Variants in SCRN3 observed in about 807,000 individuals in gnomAD.
SCRN3 encodes the protein secernin-3.
Under a neutral mutation model 43.1 loss-of-function variants are expected in SCRN3, and 39 were observed. The observed-to-expected ratio is 0.91, with a 90% CI of 0.70 to 1.18. SCRN3 has a LOEUF of 1.18. Ranked by LOEUF, SCRN3 falls within the 50% of genes most tolerant of loss-of-function variation. The pLI, the probability that SCRN3 is intolerant of heterozygous loss-of-function variation, is 0.00. For missense variants in SCRN3, 484 were observed against 498.0 expected (o/e 0.97, Z 0.27); for synonymous variants, 147 against 163.1 (o/e 0.90, Z 0.75).
chr2:174,427,857 A>C lies in SCRN3; in HGVS notation c.1237A>C (p.Ile413Leu), dbSNP rs772817036. Residue 413 changes from isoleucine to leucine, a missense_variant, in exon 8 of 8, where the codon ATT becomes CTT. Transcript: ENST00000272732. Reference protein sequence around the residue: ...FPQCTKDEIQIYQSNLSVKVS... With the variant: ...FPQCTKDEIQLYQSNLSVKVS... ...TCAGTGTACAAAAGATGAAATTCAA[A>C]TTTATCAGTCAAATTTATCAGTCAA... is the stretch of plus-strand genomic sequence containing the variant. 8 of 811,378 alleles carry C rather than the reference A, an allele frequency of 9.9e-6. No individual in the cohort carries two copies. Among genetic ancestry groups the C allele is most frequent in the Non-Finnish European group, 1.2e-5 (7 of 561,690 alleles). The allele number at this position is 811,378 out of a possible 1,614,324, so 50.3% of individuals were successfully genotyped here. A position where few individuals can be genotyped will look rare whatever the true frequency, so the allele number is the denominator to read the frequency against.
intron 1 of SCRN3, 126 bp from the exon 2 acceptor site, chr2:174,398,148 AT>A: frequency 1.7e-6 from 1 of 582,586 alleles, no homozygotes; most frequent in Non-Finnish European, 2.7e-6. Flanking sequence ...AAATAAAAAA[AT>A]CAAAGCTTTA....
At position 174,399,931 on chromosome 2, in the gene SCRN3, A is replaced by G. The variant is rs1685447048; in HGVS notation, c.169A>G (p.Ile57Val). The change falls in exon 3 of 8, where the codon ATA (isoleucine) becomes GTA (valine). Residue 57 changes from isoleucine to valine, a missense_variant. Physicochemically the swap from Ile to Val is conservative, Grantham distance 29 (BLOSUM62 3). Coordinates refer to ENST00000272732, the MANE Select transcript of SCRN3 (RefSeq NM_024583.5). ...NLGERLKCTY[I>V]EIDQVPETYA... ...TTTTTTTTTTTTACAGTGTACATAT[A>G]TAGAAATTGATCAAGTTCCTGAAAC... is the stretch of plus-strand genomic sequence containing the variant. The G allele has an allele frequency of 1.3e-6, 2 of 1,490,284 alleles. No individual in the cohort carries two copies. Among genetic ancestry groups the G allele is most frequent in the African/African-American group, 1.6e-5 (1 of 63,408 alleles). 92.3% of individuals were successfully genotyped at this position (1,490,284 alleles called of 1,614,324 possible). A position where few individuals can be genotyped will look rare whatever the true frequency, so the allele number is the denominator to read the frequency against.
rs1196821146 is a variant in SCRN3 at position 174,405,991 on chromosome 2, G to A, written c.754+1676G>A. ...TTAAAGTAGTTTTTTCCAATTCTGT[G>A]AAGAAAGTCATTGGTAGCTTGATGG... is the stretch of plus-strand genomic sequence containing the variant. On this transcript the variant is annotated intron_variant, in intron 5 of 7. Transcript: ENST00000272732. Among the ~76,000 whole-genome samples the A allele has an allele frequency of 3.6e-5, 5 of 138,878 alleles. No homozygotes were observed. In the East Asian group the frequency reaches 1.1e-3, roughly 30 times the overall value. The allele number at this position is 138,878 out of a possible 152,430, so 91.1% of individuals were successfully genotyped here. A position where few individuals can be genotyped will look rare whatever the true frequency, so the allele number is the denominator to read the frequency against.
At position 174,422,978 on chromosome 2, in the gene SCRN3, T is replaced by G. The variant is rs762097918; in HGVS notation, c.848T>G (p.Val283Gly). ...GAATTCCTGACCACTGCAAGCATGGTTTCTATTTTACCTCAAGACTCCAGC... is the reference window on the plus strand; with the variant it reads ...GAATTCCTGACCACTGCAAGCATGGGTTCTATTTTACCTCAAGACTCCAGC... ...EGEFLTTASM[V>G]SILPQDSSLP... The change falls in exon 6 of 8, where the codon GTT (valine) becomes GGT (glycine). Residue 283 changes from valine to glycine, a missense_variant. Coordinates refer to ENST00000272732, the MANE Select transcript of SCRN3 (RefSeq NM_024583.5). The G allele has an allele frequency of 2.9e-5, 47 of 1,613,778 alleles. No homozygotes were observed. Among genetic ancestry groups the G allele is most frequent in the Non-Finnish European group, 3.9e-5 (46 of 1,179,812 alleles).
Position 174,428,010 on chromosome 2 carries a change from T to G in SCRN3, c.*115T>G, listed in dbSNP as rs905413096. The G allele has an allele frequency of 3.3e-5, 21 of 642,900 alleles. No homozygotes were observed. The highest frequency in any genetic ancestry group is 5.5e-5 in the Non-Finnish European group (21 of 382,586). The allele number at this position is 642,900 out of a possible 1,614,324, so 39.8% of individuals were successfully genotyped here. A position where few individuals can be genotyped will look rare whatever the true frequency, so the allele number is the denominator to read the frequency against. On this transcript the variant is annotated 3_prime_UTR_variant, in exon 8 of 8. Coordinates refer to ENST00000272732, the MANE Select transcript of SCRN3 (RefSeq NM_024583.5). ...ACCTAACTTGAGCAGATCTGATTAT[T>G]CTTGGATAGTATTCAAGTGGTATCT...
intron 5 of SCRN3, among the ~76,000 whole-genome samples, chr2:174,422,511 T>A (rs1188945615): frequency 1.3e-5 from 2 of 151,660 alleles, no homozygotes; most frequent in Non-Finnish European, 2.9e-5. Flanking sequence ...GAGACAGAGA[T>A]TGCAGTGAGC....
chr2:174,403,611 A>G (rs1320526289), intron 4 of SCRN3, among the ~76,000 whole-genome samples: 1 of 152,222 alleles, frequency 6.6e-6, no homozygotes. Context: ...AAAAGCTTAC[A>G]TATTATTCCA....
Position 174,427,776 on chromosome 2 carries a change from G to A in SCRN3, c.1156G>A (p.Glu386Lys). 1 of 1,612,540 alleles carries A rather than the reference G, an allele frequency of 6.2e-7. No homozygotes were observed. The highest frequency in any genetic ancestry group is 1.1e-5 in the South Asian group (1 of 90,964). Residue 386 changes from glutamate (E) to lysine (K), a missense_variant, in exon 8 of 8, where the codon GAA (glutamate) becomes AAA (lysine). Transcript: ENST00000272732. ...GGAGAAAGAACTATTCAGAGAGATG[G>A]AATCAATCCTTCAAAACAAGCATCT... Reference protein sequence around the residue: ...KLEKELFREMESILQNKHLDV... With the variant: ...KLEKELFREMKSILQNKHLDV...
chr2:174,398,373 C>A lies in SCRN3; in HGVS notation c.90C>A (p.Leu30=). 6.2e-7 allele frequency: 1 copy of A among 1,608,874 alleles called. No homozygotes were observed. The highest frequency in any genetic ancestry group is 8.5e-7 in the Non-Finnish European group (1 of 1,178,140). The change falls in exon 2 of 8, where the codon CTC becomes CTA. Residue 30 remains leucine (L), a synonymous_variant. Transcript: ENST00000272732. ...RIIFGKNSDR[L]YDEVQEVVYF... ...TTTTTGGAAAAAATTCAGATAGACT[C>A]TATGATGAAGTACAAGAGGTGGTTT...
intron 7 of SCRN3, among the ~76,000 whole-genome samples, chr2:174,427,121 C>A (rs1423980083): frequency 3.9e-5 from 6 of 152,246 alleles, no homozygotes; most frequent in South Asian, 2.1e-4. Context: ...TGAGCCACTG[C>A]GCCTGGCCAA....
chr2:174,424,894 T>TA, intron 7 of SCRN3, among the ~76,000 whole-genome samples: 1 of 152,346 alleles, frequency 6.6e-6, no homozygotes, highest in East Asian at 1.9e-4. Flanking sequence ...GTTGAACACT[T>TA]ACATAGCACT....
At chr2:174,406,672 T>C (rs1236564376) in intron 5 of SCRN3, among the ~76,000 whole-genome samples, 6 of 142,426 alleles carry the variant, frequency 4.2e-5, no homozygotes, top group Admixed American at 2.8e-4. Flanking sequence ...GCATGAAGGG[T>C]TGTTGAATTT....
In SCRN3 at chr2:174,428,062, C is replaced by T. The variant is rs1686552195; in HGVS notation, c.*167C>T. 3 of 419,644 alleles carry T rather than the reference C, an allele frequency of 7.1e-6. No individual in the cohort carries two copies. The highest frequency in any genetic ancestry group is 6.1e-5 in the African/African-American group (3 of 49,030). The allele number at this position is 419,644 out of a possible 1,614,324, so 26.0% of individuals were successfully genotyped here. A position where few individuals can be genotyped will look rare whatever the true frequency, so the allele number is the denominator to read the frequency against. On this transcript the variant is annotated 3_prime_UTR_variant, in exon 8 of 8. Transcript: ENST00000272732. ...GACTATTAAACTACGTATAGTGTTG[C>T]TGAAATAGAAAGAAAACAGCATTGG...
chr2:174,406,472 C>T (rs1353084775), intron 5 of SCRN3, among the ~76,000 whole-genome samples: 7 of 141,658 alleles, frequency 4.9e-5, no homozygotes, highest in African/African-American at 1.7e-4. Flanking sequence ...CCTAATTGCC[C>T]TGGCCAGAAC....
intron 5 of SCRN3, among the ~76,000 whole-genome samples, chr2:174,419,845 TG>T (rs1270769905): frequency 1.3e-5 from 2 of 151,654 alleles, no homozygotes; most frequent in African/African-American, 4.8e-5. Context: ...TGCAGTGGAG[TG>T]GTTAAAAAGC....
At position 174,404,222 on chromosome 2, in the gene SCRN3, T is replaced by A. The variant is rs1368126264; in HGVS notation, c.661T>A (p.Phe221Ile). Residue 221 changes from phenylalanine (F) to isoleucine (I), a missense_variant, in exon 5 of 8, where the codon TTT becomes ATT. By Grantham distance (21) the Phe-to-Ile change is conservative. Coordinates refer to ENST00000272732, the MANE Select transcript of SCRN3 (RefSeq NM_024583.5). ...GTGGGATGGTAAAAAGGAGTTTGAT[T>A]TTGCTGCAGCATATTCCTATCTTGA... ...GWWDGKKEFD[F>I]AAAYSYLDTA... The A allele has an allele frequency of 6.2e-7, 1 of 1,613,874 alleles. No individual in the cohort carries two copies. Among genetic ancestry groups the A allele is most frequent in the East Asian group, 2.2e-5 (1 of 44,868 alleles).
intron 5 of SCRN3, among the ~76,000 whole-genome samples, chr2:174,412,669 G>T (rs1021292900): frequency 3.3e-5 from 5 of 152,128 alleles, no homozygotes; most frequent in African/African-American, 4.8e-5. Flanking sequence ...CTGGAAGGGG[G>T]ATCCCTGGAA....
chr2:174,411,750 C>T (rs1213048841), intron 5 of SCRN3, among the ~76,000 whole-genome samples: 1 of 151,956 alleles, frequency 6.6e-6, no homozygotes, highest in Admixed American at 6.6e-5. Context: ...GGTGAAACCC[C>T]GTCTCTACTA....
At chr2:174,403,483 A>G (rs1420755738) in intron 4 of SCRN3, among the ~76,000 whole-genome samples, 1 of 152,206 alleles carries the variant, frequency 6.6e-6, no homozygotes, top group African/African-American at 2.4e-5. Context: ...CCTTGTGAAT[A>G]AGTAAGCAAG....
Sources: gnomAD v4.1 joint callset for allele counts (sites outside exome capture counted in the v4.1 genomes callset) on GRCh38, gnomAD v4.1.1 for gene constraint, MANE v1.5 for transcripts, NCBI Gene and HGNC (gene_info 2026-07-23, HGNC 2026-07-21) for gene names.